Variants in CEP72 observed in about 807,000 individuals in gnomAD.
CEP72 encodes the protein centrosomal protein 72.
In CEP72, 78 loss-of-function variants were observed where a neutral mutation model predicts 65.7. The observed-to-expected ratio is 1.19, with a 90% CI of 0.99 to 1.43. CEP72 has a LOEUF of 1.43. Among genes scored for constraint, CEP72 ranks in the 40% most tolerant of loss-of-function variants. The pLI is 0.00. For synonymous variants in CEP72, 358 were observed against 351.7 expected (o/e 1.02, Z -0.20); for missense variants, 914 against 832.9 (o/e 1.10, Z -1.20).
At chr5:672,193 C>A in the CEP72 span, among the ~76,000 whole-genome samples, 1 of 152,172 alleles carries the variant, frequency 6.6e-6, no homozygotes, top group African/African-American at 2.4e-5. Flanking sequence ...TGACCACAGA[C>A]CCCAGTGCCG....
chr5:637,844 G>A, intron 7 of CEP72, 26 bp downstream of exon 7: 2 of 1,497,956 alleles, frequency 1.3e-6, no homozygotes, highest in Non-Finnish European at 1.8e-6. Flanking sequence ...GGGAGCAGCA[G>A]GCCCACGGCA....
intron 4 of CEP72, among the ~76,000 whole-genome samples, chr5:628,299 T>C (rs1057143834): frequency 2.0e-5 from 3 of 152,258 alleles, no homozygotes; most frequent in Admixed American, 6.5e-5. Context: ...TCAATGTCCA[T>C]ACCGCACAGA....
chr5:615,603 GTTCA>G (rs1735945011), intron 1 of CEP72, among the ~76,000 whole-genome samples: 1 of 151,982 alleles, frequency 6.6e-6, no homozygotes. Context: ...TAGTTTCCTG[GTTCA>G]TTATTTTTAT....
intron 4 of CEP72, among the ~76,000 whole-genome samples, chr5:625,972 T>C (rs548369811): frequency 8.6e-5 from 13 of 151,762 alleles, no homozygotes; most frequent in African/African-American, 2.4e-4. Flanking sequence ...ATTGCCTCTG[T>C]AAGTCGCTGT....
chr5:616,798 GTGTGTGTGTGTGTGTGTA>G (rs1165843783), intron 1 of CEP72, among the ~76,000 whole-genome samples: 12 of 131,910 alleles, frequency 9.1e-5, no homozygotes, highest in African/African-American at 3.0e-4. Flanking sequence ...GACGAGGGGT[GTGTGTGTGTGTGTGTGTA>G]TGTGTGTGTG....
At chr5:622,324 C>G (rs1196986963) in intron 3 of CEP72, among the ~76,000 whole-genome samples, 1 of 152,262 alleles carries the variant, frequency 6.6e-6, no homozygotes, top group East Asian at 1.9e-4. Flanking sequence ...GAGGAGCTGA[C>G]AGTATCCCTG....
chr5:674,487 C>T, the CEP72 span, among the ~76,000 whole-genome samples: 13 of 151,938 alleles, frequency 8.6e-5, no homozygotes, highest in South Asian at 2.1e-4. Context: ...TTCCCTCTCC[C>T]GGTCCGAGTG....
At chr5:637,962 T>C in intron 7 of CEP72, 144 bp downstream of exon 7, 1 of 820,652 alleles carries the variant, frequency 1.2e-6, no homozygotes, top group Non-Finnish European at 1.8e-6. Flanking sequence ...GTGCCGTGAT[T>C]ACGCCTACGG....
chr5:675,429 A>AATGTG, the CEP72 span, among the ~76,000 whole-genome samples: 1 of 62,322 alleles, frequency 1.6e-5, no homozygotes, highest in African/African-American at 7.1e-5. Context: ...CCAGGGGTGC[A>AATGTG]GCACGGTGGG....
At chr5:646,288 C>A (rs575758083) in intron 10 of CEP72, among the ~76,000 whole-genome samples, 58 of 152,290 alleles carry the variant, frequency 3.8e-4, no homozygotes, top group African/African-American at 1.3e-3. Flanking sequence ...TCTGACATTT[C>A]TAATTATGAC....
intron 1 of CEP72, among the ~76,000 whole-genome samples, chr5:618,671 G>T (rs1376697653): frequency 1.3e-5 from 2 of 152,162 alleles, no homozygotes; most frequent in Non-Finnish European, 2.9e-5. Flanking sequence ...GAGGACACAT[G>T]AGGAGTAAGG....
rs1057200185 is a variant in CEP72 at position 623,227 on chromosome 5, A to G, written c.404-1244A>G. On this transcript the variant is annotated intron_variant, in intron 3 of 11. Coordinates refer to ENST00000264935, the MANE Select transcript of CEP72 (RefSeq NM_018140.4). This position sits in a 1 kb window ranked among gnomAD's most constrained non-coding sequence, Gnocchi z 5.3. ...AGTGTTTCTACAGAGAAGGAGCACA[A>G]CCGTCTCCCCGCATGTGAGAGATGC... Among the ~76,000 whole-genome samples the G allele has an allele frequency of 6.6e-6, 1 of 152,216 alleles. No homozygotes were observed. The highest frequency in any genetic ancestry group is 2.4e-5 in the African/African-American group (1 of 41,452).
At chr5:654,310 CTG>C (rs1739303232), downstream of CEP72, among the ~76,000 whole-genome samples, 1 of 146,934 alleles carries the variant, frequency 6.8e-6, no homozygotes, top group Non-Finnish European at 1.5e-5. Flanking sequence ...TGTGTGCTAG[CTG>C]TGTGTACGCT....
chr5:626,588 G>T (rs1736773613), intron 4 of CEP72, among the ~76,000 whole-genome samples: 1 of 152,236 alleles, frequency 6.6e-6, no homozygotes, highest in Non-Finnish European at 1.5e-5. Context: ...GGGAGGCCAA[G>T]GTGGGAGGAT....
At chr5:643,308 C>T in intron 9 of CEP72, 1 of 985,468 alleles carries the variant, frequency 1.0e-6, no homozygotes, top group Non-Finnish European at 1.2e-6. Context: ...CAGGAGCTTT[C>T]TGGACGACCC....
At chr5:633,581 T>C (rs1051482255) in intron 4 of CEP72, among the ~76,000 whole-genome samples, 188 bp from the exon 5 acceptor site, 10 of 152,256 alleles carry the variant, frequency 6.6e-5, no homozygotes, top group Non-Finnish European at 1.3e-4. Flanking sequence ...TGGCTGTTGC[T>C]CACCGATTGT....
At position 663,016 on chromosome 5, in the gene CEP72, G is replaced by A. The variant is rs1447844743; in HGVS notation, n.131-400G>A. On this transcript the variant is annotated intron_variant and non_coding_transcript_variant, in intron 1 of 4. Coordinates refer to the CEP72 transcript ENST00000514507. Reference sequence around the variant, plus strand: ...CTGTGATCGGGCGAGTCTGGTGACCGCTCGTCTGTGATCGGGTGAGTCCGA... The same window carrying A: ...CTGTGATCGGGCGAGTCTGGTGACCACTCGTCTGTGATCGGGTGAGTCCGA... 2.7e-5 allele frequency: 4 copies of A among 150,772 alleles called. No individual in the cohort carries two copies. The South Asian group carries it at 5.8e-4, about 22-fold the overall frequency. 9.3% of individuals were successfully genotyped at this position (150,772 alleles called of 1,614,324 possible). A position where few individuals can be genotyped will look rare whatever the true frequency, so the allele number is the denominator to read the frequency against.
chr5:674,916 C>T, the CEP72 span, among the ~76,000 whole-genome samples: 1 of 150,230 alleles, frequency 6.7e-6, no homozygotes, highest in Non-Finnish European at 1.5e-5. Flanking sequence ...ACTGCAGAGT[C>T]AGGCGCCAGT....
chr5:672,271 C>T, the CEP72 span, among the ~76,000 whole-genome samples: 1 of 152,188 alleles, frequency 6.6e-6, no homozygotes, highest in Non-Finnish European at 1.5e-5. Flanking sequence ...CCCCAGGGAG[C>T]CTGGCCCTGC....
Sources: gnomAD v4.1 joint callset for allele counts (sites outside exome capture counted in the v4.1 genomes callset) on GRCh38, gnomAD v4.1.1 for gene constraint, Gnocchi (gnomAD v3.1) non-coding constraint, MANE v1.5 for transcripts, NCBI Gene and HGNC (gene_info 2026-07-23, HGNC 2026-07-21) for gene names.